ATP10B: variants seen among roughly 807,000 people sequenced by gnomAD.
ATP10B encodes the protein ATPase phospholipid transporting 10B (putative).
Under a neutral mutation model 141.2 loss-of-function variants are expected in ATP10B, and 122 were observed. The observed-to-expected ratio is 0.86, with a 90% CI of 0.75 to 1.00. The LOEUF is 1.00. Among genes scored for constraint, ATP10B ranks in the 50% least tolerant of loss-of-function variants. ATP10B has a pLI of 0.00. For missense variants in ATP10B, 1,876 were observed against 1,825.3 expected, an observed-to-expected ratio of 1.03 and a Z score of -0.51; for synonymous variants, 685 against 692.0, an observed-to-expected ratio of 0.99 and a Z score of 0.16.
intron 1 of ATP10B, among the ~76,000 whole-genome samples, chr5:160,792,756 A>G (rs1023317105): frequency 6.6e-6 from 1 of 152,180 alleles, no homozygotes; most frequent in Non-Finnish European, 1.5e-5. Context: ...TCTCCAGGGT[A>G]GCAGTTTACC....
the ATP10B span, among the ~76,000 whole-genome samples, chr5:160,924,944 AAG>A: frequency 6.6e-6 from 1 of 152,254 alleles, no homozygotes; most frequent in East Asian, 1.9e-4. Context: ...GAGAATCCTG[AAG>A]AGAGGAGAAA....
chr5:160,860,441 C>CTTGG, the ATP10B span, among the ~76,000 whole-genome samples: 1 of 151,756 alleles, frequency 6.6e-6, no homozygotes, highest in Non-Finnish European at 1.5e-5. Context: ...CAACATTAGG[C>CTTGG]TTGGTTCTTC....
chr5:160,763,983 T>C (rs1769226710), intron 2 of ATP10B, among the ~76,000 whole-genome samples: 1 of 152,084 alleles, frequency 6.6e-6, no homozygotes, highest in Non-Finnish European at 1.5e-5. Context: ...CCTGGAAATA[T>C]ACAACCCTCT....
At chr5:160,802,547 A>G (rs1291871537) in intron 1 of ATP10B, among the ~76,000 whole-genome samples, 2 of 152,330 alleles carry the variant, frequency 1.3e-5, no homozygotes, top group East Asian at 1.9e-4. Flanking sequence ...CCCACCAGTC[A>G]TCTCCCCAAC....
intron 1 of ATP10B, among the ~76,000 whole-genome samples, chr5:160,846,438 T>G (rs1311121361): frequency 6.6e-6 from 1 of 152,184 alleles, no homozygotes; most frequent in African/African-American, 2.4e-5. Context: ...CATTGACAAT[T>G]AAAACTGGAA....
the ATP10B span, among the ~76,000 whole-genome samples, chr5:160,892,562 T>C: frequency 7.9e-5 from 12 of 152,228 alleles, no homozygotes; most frequent in African/African-American, 2.9e-4. Flanking sequence ...AACTATGAAC[T>C]ACATTAAGCA....
At chr5:160,877,677 T>C in the ATP10B span, among the ~76,000 whole-genome samples, 1 of 147,824 alleles carries the variant, frequency 6.8e-6, no homozygotes, top group African/African-American at 2.5e-5. Context: ...GATAAGTAAC[T>C]TCAGCAAAGT....
Position 160,785,956 on chromosome 5 carries a change from T to C in ATP10B, c.-575-153A>G, listed in dbSNP as rs138115290. On this transcript the variant is annotated intron_variant, in intron 1 of 25. Coordinates refer to ENST00000327245, the MANE Select transcript of ATP10B (RefSeq NM_025153.3). ...AGTGGAATAGATTCCCAGGAAGTTG[T>C]TTCAGTAGAAACATTTTATTTCTGC... 4.2e-3 allele frequency among the ~76,000 whole-genome samples: 637 copies of C among 152,314 alleles called. 3 individuals are homozygous for C. The highest frequency in any genetic ancestry group is 0.02 in the Middle Eastern group (6 of 294).
chr5:160,634,222 C>G (rs1759173107), intron 12 of ATP10B, 132 bp downstream of exon 12: 1 of 1,273,608 alleles, frequency 7.9e-7, no homozygotes, highest in Non-Finnish European at 1.1e-6. Flanking sequence ...CACAGGGATA[C>G]AGGAAGCAAC....
chr5:160,880,799 G>A, the ATP10B span, among the ~76,000 whole-genome samples: 25 of 152,030 alleles, frequency 1.6e-4, no homozygotes, highest in Admixed American at 1.6e-3. Context: ...AATCAAAATG[G>A]ATTAGAGACC....
chr5:160,778,084 T>C (rs1581513778), intron 2 of ATP10B, among the ~76,000 whole-genome samples: 1 of 152,246 alleles, frequency 6.6e-6, no homozygotes. Flanking sequence ...AGAGGGGCTG[T>C]AGACAGTCTC....
At chr5:160,626,511 A>G (rs1024019044) in intron 13 of ATP10B, among the ~76,000 whole-genome samples, 3 of 152,328 alleles carry the variant, frequency 2.0e-5, no homozygotes, top group Middle Eastern at 6.8e-3. Context: ...AACTTGTCCC[A>G]GGTCATAAAA....
chr5:160,651,080 T>C (rs1431166547), intron 7 of ATP10B, among the ~76,000 whole-genome samples: 1 of 152,200 alleles, frequency 6.6e-6, no homozygotes, highest in African/African-American at 2.4e-5. Context: ...GACACTGTAA[T>C]AAGAACTTTA....
At chr5:160,670,313 C>T in intron 7 of ATP10B, 150 bp downstream of exon 7, 1 of 702,262 alleles carries the variant, frequency 1.4e-6, no homozygotes, top group Middle Eastern at 3.5e-4. Flanking sequence ...CAGAGGGCTG[C>T]TGGTAGGATT....
chr5:160,840,664 C>T (rs921060795), intron 1 of ATP10B, among the ~76,000 whole-genome samples: 4 of 151,942 alleles, frequency 2.6e-5, no homozygotes, highest in Non-Finnish European at 4.4e-5. Flanking sequence ...GATACTAAAA[C>T]GTCCAGATGT....
At chr5:160,774,735 G>A (rs960658343) in intron 2 of ATP10B, among the ~76,000 whole-genome samples, 9 of 152,148 alleles carry the variant, frequency 5.9e-5, no homozygotes, top group Non-Finnish European at 1.0e-4. Flanking sequence ...TGGGTGTTAC[G>A]TTTTGCAAGT....
At chr5:160,608,552 TA>T (rs1430325951) in intron 18 of ATP10B, among the ~76,000 whole-genome samples, 1 of 152,210 alleles carries the variant, frequency 6.6e-6, no homozygotes, top group African/African-American at 2.4e-5. Flanking sequence ...ACCGATAGTG[TA>T]AAAGCATTCC....
At chr5:160,812,920 C>T (rs562831611) in intron 1 of ATP10B, among the ~76,000 whole-genome samples, 4 of 152,142 alleles carry the variant, frequency 2.6e-5, no homozygotes, top group Non-Finnish European at 4.4e-5. Context: ...GAACACCAAA[C>T]AGATTTAATC....
intron 1 of ATP10B, among the ~76,000 whole-genome samples, chr5:160,822,410 G>A (rs567826062): frequency 2.0e-5 from 3 of 152,112 alleles, no homozygotes; most frequent in Non-Finnish European, 2.9e-5. Context: ...TACGCTGTTA[G>A]TGGGAATGTA....
Sources: gnomAD v4.1 joint callset for allele counts (sites outside exome capture counted in the v4.1 genomes callset) on GRCh38, gnomAD v4.1.1 for gene constraint, MANE v1.5 for transcripts, NCBI Gene and HGNC (gene_info 2026-07-23, HGNC 2026-07-21) for gene names.